The following PLPPR1 variants were observed in gnomAD, a reference collection of about 807,000 sequenced individuals.
PLPPR1 encodes the protein phospholipid phosphatase-related protein type 1.
A neutral mutation model predicts 33.1 loss-of-function variants in PLPPR1; 10 were observed. The observed-to-expected ratio is 0.30, with a 90% CI of 0.19 to 0.51. The LOEUF is 0.51. Ranked by LOEUF, PLPPR1 falls within the 20% of genes least tolerant of loss-of-function variation. The pLI is 0.97. For missense variants in PLPPR1, 304 were observed against 408.1 expected (o/e 0.74, Z 2.20); for synonymous variants, 151 against 151.0 (o/e 1.00, Z 0.00).
At chr9:101,279,181 A>C (rs924379034) in intron 3 of PLPPR1, among the ~76,000 whole-genome samples, 1 of 152,238 alleles carries the variant, frequency 6.6e-6, no homozygotes, top group Non-Finnish European at 1.5e-5. Flanking sequence ...ACAGAAAAAC[A>C]ATACAAGTAA....
intron 2 of PLPPR1, among the ~76,000 whole-genome samples, chr9:101,201,775 T>C (rs562219518): frequency 8.0e-4 from 122 of 152,282 alleles, no homozygotes; most frequent in African/African-American, 2.7e-3. Flanking sequence ...CAACTTGCTC[T>C]ATTATGTCAT....
At chr9:101,097,627 T>C (rs1830836675) in intron 1 of PLPPR1, among the ~76,000 whole-genome samples, 1 of 152,154 alleles carries the variant, frequency 6.6e-6, no homozygotes, top group Admixed American at 6.6e-5. Flanking sequence ...GTCTGTATCA[T>C]AAGACAAACA....
chr9:101,320,508 T>G (rs2118972052), intron 7 of PLPPR1, among the ~76,000 whole-genome samples: 3 of 152,338 alleles, frequency 2.0e-5, no homozygotes, highest in Admixed American at 2.0e-4. Context: ...AATCACTATT[T>G]GAACATCCAC....
At chr9:101,300,581 G>T (rs1472070729) in intron 4 of PLPPR1, among the ~76,000 whole-genome samples, 1 of 152,196 alleles carries the variant, frequency 6.6e-6, no homozygotes, top group South Asian at 2.1e-4. Context: ...CTGCCCATGG[G>T]GGCTTGATGC....
intron 1 of PLPPR1, among the ~76,000 whole-genome samples, chr9:101,141,258 A>G (rs1831448144): frequency 1.3e-5 from 2 of 152,184 alleles, no homozygotes; most frequent in Non-Finnish European, 2.9e-5. Context: ...GCTATGTTTC[A>G]TGTTATTTAA....
rs559416035 is a variant in PLPPR1 at position 101,261,761 on chromosome 9, C to T, written c.64-8119C>T. On this transcript the variant is annotated intron_variant, in intron 2 of 7. Coordinates refer to ENST00000374874, the MANE Select transcript of PLPPR1 (RefSeq NM_207299.2). ...TAACACAGACACAGAAAACCAAATA[C>T]TGCATGTTCTGACTTATAAGTGAGA... Among the ~76,000 whole-genome samples the T allele has an allele frequency of 1.3e-4, 20 of 152,210 alleles. No homozygotes were observed. In the South Asian group the frequency reaches 3.5e-3, roughly 27 times the overall value.
At chr9:101,043,478 T>C (rs953942919) in intron 1 of PLPPR1, among the ~76,000 whole-genome samples, 1 of 151,770 alleles carries the variant, frequency 6.6e-6, no homozygotes, top group South Asian at 2.1e-4. Flanking sequence ...TGTATATACA[T>C]ATACACATAC....
Position 101,185,536 on chromosome 9 carries a change from C to T in PLPPR1, c.42C>T (p.Ile14=), listed in dbSNP as rs143808898. The stretch of plus-strand genomic sequence containing the variant: ...ACACTCAACGAAGTTATTCCATCAT[C>T]CCGTGTTTTATATTTGTTGAGGTAT... ...GNNTQRSYSI[I]PCFIFVELVI... is the part of the protein sequence containing the mutation. Residue 14 remains isoleucine, a synonymous_variant, in exon 2 of 8, where the codon ATC becomes ATT. Transcript: ENST00000374874. 6.2e-7 allele frequency: 1 copy of T among 1,608,838 alleles called. No homozygotes were observed. Among genetic ancestry groups the T allele is most frequent in the South Asian group, 1.1e-5 (1 of 90,692 alleles).
At chr9:101,196,758 G>C (rs1826402027) in intron 2 of PLPPR1, among the ~76,000 whole-genome samples, 1 of 152,058 alleles carries the variant, frequency 6.6e-6, no homozygotes, top group Admixed American at 6.5e-5. Context: ...CCAGCTACTT[G>C]GGAGGCTGAG....
intron 4 of PLPPR1, among the ~76,000 whole-genome samples, chr9:101,287,777 AG>A (rs1335268918): frequency 3.3e-5 from 5 of 152,158 alleles, no homozygotes; most frequent in African/African-American, 1.2e-4. Context: ...CTGGGATTAC[AG>A]ACATGAGCCA....
chr9:101,314,572 A>T (rs1829018013), intron 6 of PLPPR1, among the ~76,000 whole-genome samples: 1 of 151,986 alleles, frequency 6.6e-6, no homozygotes, highest in Admixed American at 6.6e-5. Context: ...ATTATTCTGT[A>T]GTCTATTAAG....
At chr9:101,124,292 T>C (rs1831215744) in intron 1 of PLPPR1, among the ~76,000 whole-genome samples, 1 of 152,280 alleles carries the variant, frequency 6.6e-6, no homozygotes, top group East Asian at 1.9e-4. Flanking sequence ...GTCCCTCTTC[T>C]GTAACTTCTT....
At chr9:101,114,330 C>T (rs1831093773) in intron 1 of PLPPR1, among the ~76,000 whole-genome samples, 1 of 152,282 alleles carries the variant, frequency 6.6e-6, no homozygotes, top group African/African-American at 2.4e-5. Flanking sequence ...AAATCACATC[C>T]TAGTAAATGG....
At chr9:101,145,726 A>C (rs1050199097) in intron 1 of PLPPR1, among the ~76,000 whole-genome samples, 3 of 137,876 alleles carry the variant, frequency 2.2e-5, no homozygotes, top group Admixed American at 7.3e-5. Context: ...AAGAATAAGA[A>C]AAGAAATGTC....
chr9:101,074,342 T>C (rs1477849516), intron 1 of PLPPR1, among the ~76,000 whole-genome samples: 3 of 152,134 alleles, frequency 2.0e-5, no homozygotes, highest in African/African-American at 7.2e-5. Context: ...CTCTCATAAA[T>C]CATTTAAACT....
At chr9:101,182,060 G>A (rs1177238364) in intron 1 of PLPPR1, among the ~76,000 whole-genome samples, 2 of 151,176 alleles carry the variant, frequency 1.3e-5, no homozygotes, top group South Asian at 2.1e-4. Context: ...GTATTGTAAT[G>A]GAATACTATT....
At chr9:101,088,177 G>A (rs1291537810) in intron 1 of PLPPR1, among the ~76,000 whole-genome samples, 2 of 152,110 alleles carry the variant, frequency 1.3e-5, no homozygotes, top group Non-Finnish European at 2.9e-5. Context: ...GGAACATCAA[G>A]GAATTTCTGA....
intron 2 of PLPPR1, among the ~76,000 whole-genome samples, chr9:101,227,671 G>A (rs968786598): frequency 6.6e-6 from 1 of 152,158 alleles, no homozygotes; most frequent in Non-Finnish European, 1.5e-5. Context: ...TTCATTTTGA[G>A]GTTAAACAAC....
chr9:101,198,127 T>C (rs1034506352), intron 2 of PLPPR1, among the ~76,000 whole-genome samples: 1 of 152,208 alleles, frequency 6.6e-6, no homozygotes, highest in African/African-American at 2.4e-5. Flanking sequence ...TCTTCAGTCT[T>C]AGTACTATAT....
Sources: allele counts gnomAD v4.1 joint callset (sites outside exome capture counted in the v4.1 genomes callset), GRCh38; gene constraint gnomAD v4.1.1; transcripts MANE v1.5; gene names NCBI Gene and HGNC (gene_info 2026-07-23, HGNC 2026-07-21).